The following CNTNAP5 variants were observed in gnomAD, a reference collection of about 807,000 sequenced individuals.
The protein encoded by CNTNAP5 is contactin associated protein family member 5, also known as contactin-associated protein-like 5.
CNTNAP5 carries 72 observed loss-of-function variants against 150.2 expected under a neutral mutation model. That is an observed-to-expected ratio of 0.48 (90% CI 0.40 to 0.58). The LOEUF (loss-of-function observed/expected upper bound fraction) is 0.58. CNTNAP5 is among the 20% of genes least tolerant of loss of function. The pLI, the probability that CNTNAP5 is intolerant of heterozygous loss-of-function variation, is 0.00. For synonymous variants in CNTNAP5, 672 were observed against 619.8 expected, an observed-to-expected ratio of 1.08 and a Z score of -1.25; for missense variants, 1,636 against 1,626.2, an observed-to-expected ratio of 1.01 and a Z score of -0.10.
At chr2:124,134,402 A>C (rs1683929011) in intron 1 of CNTNAP5, among the ~76,000 whole-genome samples, 1 of 152,182 alleles carries the variant, frequency 6.6e-6, no homozygotes, top group African/African-American at 2.4e-5. Flanking sequence ...CATTTATATT[A>C]ACACACCTGG....
chr2:124,260,120 T>C (rs1218139846), intron 3 of CNTNAP5, among the ~76,000 whole-genome samples: 11 of 151,774 alleles, frequency 7.2e-5, no homozygotes, highest in African/African-American at 4.8e-5. Flanking sequence ...TCAAACTATA[T>C]TACAAGGCTA....
At chr2:124,610,497 T>TTTTTTCA (rs1329781042) in intron 12 of CNTNAP5, among the ~76,000 whole-genome samples, 2 of 151,510 alleles carry the variant, frequency 1.3e-5, no homozygotes, top group African/African-American at 4.9e-5. Flanking sequence ...AAAAGGTGAG[T>TTTTTTCA]TTTTTCATTT....
chr2:124,700,135 G>A (rs1679492258), intron 13 of CNTNAP5, among the ~76,000 whole-genome samples: 1 of 151,958 alleles, frequency 6.6e-6, no homozygotes, highest in Non-Finnish European at 1.5e-5. Context: ...TTTGTTTCTG[G>A]CTTCTTCCAC....
chr2:124,804,722 A>G (rs1424577375), intron 19 of CNTNAP5, among the ~76,000 whole-genome samples: 1 of 152,150 alleles, frequency 6.6e-6, no homozygotes, highest in Non-Finnish European at 1.5e-5. Flanking sequence ...TGTATTTCCC[A>G]GCCTCCAGAA....
At chr2:124,217,323 C>A (rs1686184134) in intron 1 of CNTNAP5, among the ~76,000 whole-genome samples, 1 of 152,198 alleles carries the variant, frequency 6.6e-6, no homozygotes, top group Non-Finnish European at 1.5e-5. Flanking sequence ...TTCACATACA[C>A]TTTTGGAGGA....
chr2:124,889,790 T>A (rs753114441), intron 21 of CNTNAP5, among the ~76,000 whole-genome samples: 7 of 152,082 alleles, frequency 4.6e-5, no homozygotes, highest in Non-Finnish European at 5.9e-5. Flanking sequence ...GTCCTCTGGA[T>A]CAGTGATTTT....
At chr2:124,688,355 C>T (rs1320260094) in intron 13 of CNTNAP5, among the ~76,000 whole-genome samples, 1 of 152,020 alleles carries the variant, frequency 6.6e-6, no homozygotes, top group Non-Finnish European at 1.5e-5. Flanking sequence ...GGAAACATTG[C>T]TATCTATGAG....
chr2:124,331,781 C>CT (rs2104681088), intron 3 of CNTNAP5, among the ~76,000 whole-genome samples: 1 of 152,042 alleles, frequency 6.6e-6, no homozygotes. Flanking sequence ...AATCAGAAGA[C>CT]TTAGAAAAGA....
intron 12 of CNTNAP5, among the ~76,000 whole-genome samples, chr2:124,621,561 C>A (rs542494486): frequency 3.3e-5 from 5 of 152,292 alleles, no homozygotes; most frequent in Admixed American, 6.5e-5. Context: ...ATTGAGGTCT[C>A]TCCAATATTT....
rs546836519 is a variant in CNTNAP5, at chr2:124,585,899, C to T, written c.1756+22576C>T. 2.0e-5 allele frequency among the ~76,000 whole-genome samples: 3 copies of T among 152,102 alleles called. No individual in the cohort carries two copies. In the South Asian group the frequency reaches 6.2e-4, roughly 32 times the overall value. ...TAAAACACTTCTCTCTTTTTTACTG[C>T]ACACCACGAACTCAACTCTCAACAA... On this transcript the variant is annotated intron_variant, in intron 11 of 23. Transcript: ENST00000682447.
At chr2:124,641,818 A>G (rs1678100015) in intron 12 of CNTNAP5, among the ~76,000 whole-genome samples, 1 of 152,200 alleles carries the variant, frequency 6.6e-6, no homozygotes, top group Non-Finnish European at 1.5e-5. Context: ...TAAAAATTGC[A>G]GTTTTTTTCT....
chr2:124,505,423 G>T (rs914790003), intron 8 of CNTNAP5, among the ~76,000 whole-genome samples: 1 of 151,894 alleles, frequency 6.6e-6, no homozygotes, highest in Non-Finnish European at 1.5e-5. Flanking sequence ...TCTATTTCAA[G>T]TAAAAATCAG....
intron 3 of CNTNAP5, among the ~76,000 whole-genome samples, chr2:124,397,394 T>C (rs1377234016): frequency 6.6e-6 from 1 of 152,158 alleles, no homozygotes; most frequent in East Asian, 1.9e-4. Flanking sequence ...CTCCTCATAT[T>C]AGGGAAAGCC....
intron 10 of CNTNAP5, among the ~76,000 whole-genome samples, chr2:124,546,449 T>A (rs80106989): frequency 0.017 from 2,599 of 152,152 alleles, 42 homozygotes; most frequent in South Asian, 0.034. Flanking sequence ...TATGCACAAG[T>A]TTACAAACGT....
At chr2:124,187,752 T>C (rs1034955014) in intron 1 of CNTNAP5, among the ~76,000 whole-genome samples, 2 of 152,230 alleles carry the variant, frequency 1.3e-5, no homozygotes, top group Admixed American at 1.3e-4. Context: ...ATTAGTTGCC[T>C]TTTTAGAGCT....
rs577672291 is a variant in CNTNAP5 at position 124,313,104 on chromosome 2, G to A, written c.381+70711G>A. Among the ~76,000 whole-genome samples, 8 of 152,286 alleles carry A rather than the reference G, an allele frequency of 5.3e-5. No individual in the cohort carries two copies. In the East Asian group the frequency reaches 5.8e-4, roughly 11 times the overall value. ...TGTGTGTGCATTTTAACAATGTATCGAGAACATTTATCATGTTTCTCACTT... is the reference window on the plus strand; with the variant it reads ...TGTGTGTGCATTTTAACAATGTATCAAGAACATTTATCATGTTTCTCACTT... On this transcript the variant is annotated intron_variant, in intron 3 of 23. Coordinates refer to ENST00000682447, the MANE Select transcript of CNTNAP5 (RefSeq NM_001367498.1).
At chr2:124,575,102 C>T (rs1232818927) in intron 11 of CNTNAP5, among the ~76,000 whole-genome samples, 1 of 152,176 alleles carries the variant, frequency 6.6e-6, no homozygotes, top group South Asian at 2.1e-4. Flanking sequence ...AGGGACGAGG[C>T]AAGTACGCTT....
chr2:124,225,546 A>G (rs115279386), intron 2 of CNTNAP5, among the ~76,000 whole-genome samples: 1 of 152,178 alleles, frequency 6.6e-6, no homozygotes, highest in Non-Finnish European at 1.5e-5. Context: ...TGATGATTTG[A>G]TAGGTATGCA....
chr2:124,797,685 C>G (rs960487421), intron 18 of CNTNAP5, among the ~76,000 whole-genome samples: 4 of 152,220 alleles, frequency 2.6e-5, no homozygotes, highest in Non-Finnish European at 4.4e-5. Flanking sequence ...CTAGAACTGT[C>G]AGGTTCTCAG....
Sources: allele counts gnomAD v4.1 joint callset (sites outside exome capture counted in the v4.1 genomes callset), GRCh38; gene constraint gnomAD v4.1.1; transcripts MANE v1.5; gene names NCBI Gene and HGNC (gene_info 2026-07-23, HGNC 2026-07-21).